Variants in TPRG1 observed in about 807,000 individuals in gnomAD.
The protein encoded by TPRG1 is tumor protein p63 regulated 1.
TPRG1 carries 29 observed loss-of-function variants against 29.3 expected under a neutral mutation model. That is an observed-to-expected ratio of 0.99 (90% CI 0.74 to 1.35). The LOEUF (loss-of-function observed/expected upper bound fraction) is 1.35. Ranked by LOEUF, TPRG1 falls within the 40% of genes most tolerant of loss-of-function variation. The pLI is 0.00. For missense variants in TPRG1, 327 were observed against 335.0 expected (o/e 0.98, Z 0.19); for synonymous variants, 130 against 116.8 (o/e 1.11, Z -0.73).
chr3:189,022,932 C>T (rs1460586007), intron 3 of TPRG1, among the ~76,000 whole-genome samples: 7 of 152,186 alleles, frequency 4.6e-5, no homozygotes, highest in Non-Finnish European at 8.8e-5. Flanking sequence ...TCTCATGGTG[C>T]GCAGTTTTTT....
At chr3:189,070,772 C>A (rs1716767011) in intron 4 of TPRG1, among the ~76,000 whole-genome samples, 1 of 151,960 alleles carries the variant, frequency 6.6e-6, no homozygotes, top group Non-Finnish European at 1.5e-5. Context: ...ATATTCCAAC[C>A]AATCTAAAGT....
chr3:189,293,473 G>A (rs1719355828), intron 4 of TPRG1, among the ~76,000 whole-genome samples: 1 of 152,138 alleles, frequency 6.6e-6, no homozygotes, highest in Admixed American at 6.5e-5. Context: ...GGTGTGGCGG[G>A]AAAGGGAGCA....
intron 4 of TPRG1, among the ~76,000 whole-genome samples, chr3:189,074,609 T>A (rs1717022209): frequency 6.6e-6 from 1 of 152,212 alleles, no homozygotes; most frequent in South Asian, 2.1e-4. Context: ...CATTCTTTCA[T>A]GTTTTTATTT....
At chr3:189,205,530 C>T (rs144372759) in intron 1 of TPRG1, among the ~76,000 whole-genome samples, 21 of 152,294 alleles carry the variant, frequency 1.4e-4, no homozygotes, top group African/African-American at 2.2e-4. Context: ...ATTTCAAAAG[C>T]GGAAGCTTGC....
chr3:189,171,729 G>A (rs1277708212), upstream of TPRG1, among the ~76,000 whole-genome samples: 7 of 152,178 alleles, frequency 4.6e-5, no homozygotes, highest in Non-Finnish European at 1.5e-5. Flanking sequence ...GCATACAGAA[G>A]CCATGGAGGA....
At chr3:189,269,473 G>A (rs570374580) in intron 4 of TPRG1, among the ~76,000 whole-genome samples, 1 of 152,312 alleles carries the variant, frequency 6.6e-6, no homozygotes, top group African/African-American at 2.4e-5. Flanking sequence ...ATACAAGTGA[G>A]AAGAGGCATG....
At chr3:189,275,716 A>G (rs1441650186) in intron 4 of TPRG1, among the ~76,000 whole-genome samples, 1 of 152,082 alleles carries the variant, frequency 6.6e-6, no homozygotes, top group African/African-American at 2.4e-5. Flanking sequence ...AAATGTTTGT[A>G]TTTTCTTGGT....
In TPRG1 at chr3:189,183,338, C is replaced by A. The variant is rs1029653468; in HGVS notation, c.-10+11207C>A. On this transcript the variant is annotated intron_variant, in intron 1 of 5. Transcript: ENST00000345063. The stretch of plus-strand genomic sequence containing the variant: ...CACAAGGTAGTAGAATATCGCAAGG[C>A]AAATGGAGGCAGGGCAAGATCACAG... 2.6e-5 allele frequency among the ~76,000 whole-genome samples: 4 copies of A among 152,014 alleles called. No individual in the cohort carries two copies. The South Asian group carries it at 6.2e-4, about 24-fold the overall frequency.
chr3:189,231,903 T>C lies in TPRG1; in HGVS notation c.303-6830T>C, dbSNP rs531569800. Among the ~76,000 whole-genome samples, 279 of 152,110 alleles carry C rather than the reference T, an allele frequency of 1.8e-3. 1 individual carries two copies. The highest frequency in any genetic ancestry group is 6.5e-3 in the African/African-American group (268 of 41,500). On this transcript the variant is annotated intron_variant, in intron 3 of 5. Transcript: ENST00000345063. ...CTAAGAAAACTTCATGGCAGAATTATTCCTCAGTTCATGTAAATTTCAGAA... is the reference window on the plus strand; with the variant it reads ...CTAAGAAAACTTCATGGCAGAATTACTCCTCAGTTCATGTAAATTTCAGAA...
chr3:189,213,439 C>T (rs937714892), intron 2 of TPRG1, among the ~76,000 whole-genome samples: 1 of 152,064 alleles, frequency 6.6e-6, no homozygotes, highest in African/African-American at 2.4e-5. Context: ...GGGGAGAGTA[C>T]AATTCTGTAT....
intron 4 of TPRG1, among the ~76,000 whole-genome samples, chr3:189,246,696 G>GT: frequency 6.6e-6 from 1 of 152,076 alleles, no homozygotes; most frequent in Admixed American, 6.5e-5. Flanking sequence ...CATTCTCCTA[G>GT]TTTTTCTTTC....
chr3:189,131,957 G>T (rs905096765), intron 2 of TPRG1, among the ~76,000 whole-genome samples: 2 of 152,170 alleles, frequency 1.3e-5, no homozygotes, highest in African/African-American at 2.4e-5. Flanking sequence ...TGCTGTGACT[G>T]CTATGTGATT....
intron 3 of TPRG1, among the ~76,000 whole-genome samples, chr3:189,138,787 G>A (rs1254266039): frequency 6.6e-6 from 1 of 152,146 alleles, no homozygotes; most frequent in African/African-American, 2.4e-5. Context: ...AGAACAGGAG[G>A]ATGGAGAGCA....
chr3:189,115,854 C>T (rs529858825), intron 1 of TPRG1, among the ~76,000 whole-genome samples: 1 of 152,190 alleles, frequency 6.6e-6, no homozygotes, highest in Non-Finnish European at 1.5e-5. Context: ...GGGCAGGTTA[C>T]CTCTTTTAAT....
intron 4 of TPRG1, among the ~76,000 whole-genome samples, chr3:189,241,389 A>G (rs891127215): frequency 6.6e-6 from 1 of 151,288 alleles, no homozygotes; most frequent in African/African-American, 2.4e-5. Flanking sequence ...CATATTATTT[A>G]TTTTTCTGTG....
At chr3:189,019,597 G>A (rs1205719597) in intron 3 of TPRG1, among the ~76,000 whole-genome samples, 3 of 152,142 alleles carry the variant, frequency 2.0e-5, no homozygotes, top group Non-Finnish European at 4.4e-5. Context: ...TGATCATGAT[G>A]GATAAGCTTT....
chr3:189,313,986 C>T (rs954478360), intron 5 of TPRG1, among the ~76,000 whole-genome samples: 3 of 151,918 alleles, frequency 2.0e-5, no homozygotes, highest in Admixed American at 2.0e-4. Flanking sequence ...AAACTAAGTT[C>T]GGAGCAGTAG....
chr3:189,219,622 C>A, intron 3 of TPRG1: 1 of 1,288,708 alleles, frequency 7.8e-7, no homozygotes. Context: ...TATGGAATTT[C>A]AAAAAGTATG....
At chr3:189,044,687 C>T (rs1714860323) in intron 4 of TPRG1, among the ~76,000 whole-genome samples, 2 of 152,062 alleles carry the variant, frequency 1.3e-5, no homozygotes, top group African/African-American at 2.4e-5. Context: ...CTATGATGTA[C>T]AGCAAAGAGC....
Sources: gnomAD v4.1 joint callset for allele counts (sites outside exome capture counted in the v4.1 genomes callset) on GRCh38, gnomAD v4.1.1 for gene constraint, MANE v1.5 for transcripts, NCBI Gene and HGNC (gene_info 2026-07-23, HGNC 2026-07-21) for gene names.